The following WDR48 variants were observed in gnomAD, a reference collection of about 807,000 sequenced individuals.
WDR48 encodes WD repeat-containing protein 48.
In WDR48, 22 loss-of-function variants were observed where a neutral mutation model predicts 94.0. The ratio of observed to expected loss-of-function variants is 0.23; its 90% CI spans 0.17 to 0.33. The LOEUF (loss-of-function observed/expected upper bound fraction) is 0.33. WDR48 is among the 10% of genes least tolerant of loss of function. WDR48 has a pLI of 1.00. For missense variants in WDR48, 541 were observed against 813.8 expected, an observed-to-expected ratio of 0.66 and a Z score of 4.08; for synonymous variants, 278 against 280.5, an observed-to-expected ratio of 0.99 and a Z score of 0.09.
chr3:39,074,612 A>C lies in WDR48; in HGVS notation c.673-114A>C, dbSNP rs2034116464. 2.9e-6 allele frequency: 3 copies of C among 1,034,064 alleles called. No individual in the cohort carries two copies. In the South Asian group the frequency reaches 4.8e-5, roughly 17 times the overall value. 64.1% of individuals were successfully genotyped at this position (1,034,064 alleles called of 1,614,324 possible). The stretch of plus-strand genomic sequence containing the variant: ...TCAAGCCTTTATCAGAGGCAGAAAC[A>C]CAGGTTAATAGAGTCGTGTGTTTGA... On this transcript the variant is annotated intron_variant, in intron 7 of 18. Transcript: ENST00000302313.
intron 10 of WDR48, 47 bp from the exon 11 acceptor site, chr3:39,079,664 A>G: frequency 1.5e-6 from 2 of 1,336,352 alleles, no homozygotes; most frequent in African/African-American, 1.5e-5. Context: ...CCATGAATTT[A>G]AATGTAGAAA....
chr3:39,070,903 G>A (rs536870254), intron 7 of WDR48, among the ~76,000 whole-genome samples: 1 of 151,866 alleles, frequency 6.6e-6, no homozygotes, highest in Admixed American at 6.6e-5. Context: ...TTATTGTTCA[G>A]TTCCCACCTA....
At chr3:39,092,074 G>A (rs1240128545) in intron 17 of WDR48, among the ~76,000 whole-genome samples, 1 of 152,220 alleles carries the variant, frequency 6.6e-6, no homozygotes, top group South Asian at 2.1e-4. Context: ...AGCTAGCCAG[G>A]AGGCTAAGGC....
intron 5 of WDR48, 94 bp downstream of exon 5, chr3:39,066,969 A>G: frequency 6.9e-7 from 1 of 1,440,594 alleles, no homozygotes; most frequent in Non-Finnish European, 9.4e-7. Context: ...TTGCATCGAG[A>G]GAGTGTTTCA....
intron 7 of WDR48, among the ~76,000 whole-genome samples, chr3:39,072,329 C>G (rs1019916122): frequency 6.6e-6 from 1 of 151,980 alleles, no homozygotes; most frequent in Admixed American, 6.6e-5. Flanking sequence ...GGACAACCTG[C>G]CATCTTGATT....
chr3:39,064,278 CTT>C (rs532093383), intron 2 of WDR48, among the ~76,000 whole-genome samples: 8 of 141,526 alleles, frequency 5.7e-5, no homozygotes, highest in Non-Finnish European at 4.6e-5. Context: ...TCTTTTTTTT[CTT>C]TTTTTTTTTT....
chr3:39,061,286 T>C (rs2033248570), intron 1 of WDR48, among the ~76,000 whole-genome samples: 1 of 150,802 alleles, frequency 6.6e-6, no homozygotes, highest in African/African-American at 2.4e-5. Flanking sequence ...TGTGTGATGT[T>C]CCCTGCCCTG....
intron 18 of WDR48, 116 bp from the exon 19 acceptor site, chr3:39,094,532 C>G: frequency 1.9e-6 from 3 of 1,544,634 alleles, no homozygotes; most frequent in Non-Finnish European, 2.6e-6. Flanking sequence ...GAATTGGATA[C>G]CAGGCATAGG....
rs1259248088 is a variant in WDR48 at position 39,093,918 on chromosome 3, T to C, written c.1790T>C (p.Met597Thr). 6 of 1,613,320 alleles carry C rather than the reference T, an allele frequency of 3.7e-6. No individual in the cohort carries two copies. Among genetic ancestry groups the C allele is most frequent in the Non-Finnish European group, 5.1e-6 (6 of 1,179,774 alleles). The change falls in exon 18 of 19, where the codon ATG becomes ACG. Residue 597 changes from methionine (M) to threonine (T), a missense_variant. By Grantham distance (81) the Met-to-Thr change is moderately conservative (BLOSUM62 -1). Around this residue, in one of 5 missense-constraint regions of WDR48, gnomAD observed 109 missense variants for 195.5 expected, o/e 0.56. Coordinates refer to ENST00000302313, the MANE Select transcript of WDR48 (RefSeq NM_020839.4). The part of the protein sequence containing the change: ...ASDMLQVRKV[M>T]EHVYEKIINL... ...GACATGCTCCAAGTCCGAAAAGTTA[T>C]GGAACATGTTTATGAAAAAATTATC...
chr3:39,063,988 A>C (rs1353470827), intron 2 of WDR48, among the ~76,000 whole-genome samples: 1 of 152,100 alleles, frequency 6.6e-6, no homozygotes, highest in Admixed American at 6.5e-5. Context: ...TTGGTGTTAA[A>C]ACTATGAAGA....
chr3:39,066,110 A>AACT (rs1338779599), intron 3 of WDR48, among the ~76,000 whole-genome samples: 3 of 152,196 alleles, frequency 2.0e-5, no homozygotes, highest in African/African-American at 7.2e-5. Context: ...GCCCCAAGGT[A>AACT]ACTGCTCTTC....
chr3:39,061,276 T>C (rs1415523933), intron 1 of WDR48, among the ~76,000 whole-genome samples: 1 of 129,032 alleles, frequency 7.8e-6, no homozygotes, highest in Non-Finnish European at 1.6e-5. Context: ...CATGCCCCAG[T>C]GTGTGATGTT....
At chr3:39,054,420 T>TCCAGACATTTTCAAATGTCC (rs1234774618) in intron 1 of WDR48, among the ~76,000 whole-genome samples, 1 of 152,208 alleles carries the variant, frequency 6.6e-6, no homozygotes, top group Admixed American at 6.5e-5. Context: ...TAAAAATGTC[T>TCCAGACATTTTCAAATGTCC]CCAGACATTT....
intron 7 of WDR48, among the ~76,000 whole-genome samples, chr3:39,072,833 G>A (rs1001206316): frequency 6.6e-6 from 1 of 152,124 alleles, no homozygotes; most frequent in Middle Eastern, 3.2e-3. Flanking sequence ...CAAATGCTGC[G>A]AAGAAGTTGG....
intron 7 of WDR48, among the ~76,000 whole-genome samples, chr3:39,070,006 TAACTA>T (rs2033839497): frequency 6.6e-6 from 1 of 152,190 alleles, no homozygotes; most frequent in South Asian, 2.1e-4. Flanking sequence ...GGGGCTAAAA[TAACTA>T]AAAACATTAC....
intron 11 of WDR48, among the ~76,000 whole-genome samples, chr3:39,083,801 G>A (rs2034655064): frequency 6.6e-6 from 1 of 152,198 alleles, no homozygotes; most frequent in Non-Finnish European, 1.5e-5. Context: ...TGGTCTCCAT[G>A]GAGCATCAAG....
At chr3:39,077,359 A>C (rs1206871367) in intron 9 of WDR48, 146 bp downstream of exon 9, 2 of 709,230 alleles carry the variant, frequency 2.8e-6, no homozygotes, top group African/African-American at 3.6e-5. Context: ...CTGTGAATGT[A>C]GGTAGAATCC....
intron 10 of WDR48, among the ~76,000 whole-genome samples, chr3:39,078,831 C>A (rs1437168876): frequency 6.6e-6 from 1 of 151,610 alleles, no homozygotes; most frequent in Admixed American, 6.6e-5. Context: ...GAGATCGAGA[C>A]CATCCCGGCT....
chr3:39,069,422 A>G (rs535990644), intron 6 of WDR48, among the ~76,000 whole-genome samples: 214 of 152,342 alleles, frequency 1.4e-3, no homozygotes, highest in African/African-American at 5.1e-3. Context: ...GAGTATAACT[A>G]TAACTGTTGT....
Sources: gnomAD v4.1 joint callset for allele counts (sites outside exome capture counted in the v4.1 genomes callset) on GRCh38, gnomAD v4.1.1 for gene constraint, gnomAD v4.1.1 regional missense constraint, MANE v1.5 for transcripts, NCBI Gene and HGNC (gene_info 2026-07-23, HGNC 2026-07-21) for gene names.